Variants in EARS2 observed in about 807,000 individuals in gnomAD.
EARS2 encodes the protein nondiscriminating glutamyl-tRNA synthetase EARS2, mitochondrial.
A neutral mutation model predicts 54.1 loss-of-function variants in EARS2; 50 were observed. The observed-to-expected ratio is 0.92, with a 90% CI of 0.74 to 1.17. The LOEUF is 1.17. Ranked by LOEUF, EARS2 falls within the 50% of genes most tolerant of loss-of-function variation. The probability of loss-of-function intolerance (pLI) is 0.00; values close to 1 mark genes in which losing one functional copy is unlikely to be tolerated. For synonymous variants in EARS2, 298 were observed against 281.0 expected (o/e 1.06, Z -0.61); for missense variants, 673 against 675.0 (o/e 1.00, Z 0.03).
intron 5 of EARS2, 148 bp downstream of exon 5, chr16:23,532,509 A>G: frequency 1.8e-6 from 1 of 559,520 alleles, no homozygotes. Flanking sequence ...CATTTTAGAG[A>G]AGAGAAAACA....
intron 3 of EARS2, among the ~76,000 whole-genome samples, chr16:23,539,970 A>T (rs1250734110): frequency 6.6e-6 from 1 of 152,082 alleles, no homozygotes; most frequent in Non-Finnish European, 1.5e-5. Flanking sequence ...GGCAACACGG[A>T]GAAACCCCGT....
intron 1 of EARS2, 32 bp downstream of exon 1, chr16:23,557,173 T>C: frequency 6.6e-7 from 1 of 1,504,808 alleles, no homozygotes; most frequent in Non-Finnish European, 8.8e-7. Context: ...ACAGGGGGCC[T>C]CGGCCTGTAG....
At chr16:23,555,332 C>A (rs886728539) in intron 1 of EARS2, among the ~76,000 whole-genome samples, 1 of 152,080 alleles carries the variant, frequency 6.6e-6, no homozygotes, top group Non-Finnish European at 1.5e-5. Flanking sequence ...CAAGAAAATA[C>A]AAAAATTAGC....
In EARS2 at chr16:23,540,832, G is replaced by A. The variant is rs533197477; in HGVS notation, c.485+3682C>T. Among the ~76,000 whole-genome samples the A allele has an allele frequency of 2.4e-4, 36 of 151,904 alleles. 1 individual carries two copies. The highest frequency in any genetic ancestry group is 1.0e-3 in the South Asian group (5 of 4,814). ...ACCCCGTCTCTACTAAAATATAAAA[G>A]AAAATTAAATTAGCCAAGTGTGGTG... On this transcript the variant is annotated intron_variant, in intron 3 of 8. Transcript: ENST00000449606.
chr16:23,535,698 C>T (rs1354782069), intron 3 of EARS2, among the ~76,000 whole-genome samples: 1 of 152,132 alleles, frequency 6.6e-6, no homozygotes, highest in Non-Finnish European at 1.5e-5. Context: ...GGAATGTAAC[C>T]CCATCCTAGT....
rs1420516019 is a variant in EARS2 at position 23,522,859 on chromosome 16, A to G, written c.*1512T>C. On this transcript the variant is annotated 3_prime_UTR_variant, in exon 9 of 9. Transcript: ENST00000449606. ...ATCAGCTAGGATTGCGGTCATGTGA[A>G]TGCTTGGCTGGAATTGAAGGACCAG... The G allele has an allele frequency of 6.6e-6, 1 of 152,194 alleles. No homozygotes were observed. The highest frequency in any genetic ancestry group is 2.4e-5 in the African/African-American group (1 of 41,458). 9.4% of individuals were successfully genotyped at this position (152,194 alleles called of 1,614,324 possible).
At chr16:23,538,290 G>A (rs541039390) in intron 3 of EARS2, among the ~76,000 whole-genome samples, 1 of 152,060 alleles carries the variant, frequency 6.6e-6, no homozygotes, top group African/African-American at 2.4e-5. Context: ...TGGGATTACA[G>A]GTGCACGCCA....
intron 4 of EARS2, among the ~76,000 whole-genome samples, chr16:23,533,476 A>C (rs1965360144): frequency 6.6e-6 from 1 of 152,138 alleles, no homozygotes; most frequent in Non-Finnish European, 1.5e-5. Context: ...AGGCTGAGTG[A>C]GCAAGCCCTG....
Position 23,521,424 on chromosome 16 carries a change from G to C in EARS2, c.*2947C>G, listed in dbSNP as rs1263520911. On this transcript the variant is annotated 3_prime_UTR_variant, in exon 9 of 9. Coordinates refer to ENST00000449606, the MANE Select transcript of EARS2 (RefSeq NM_001083614.2). ...ATTCATTTTTTTTTTTTTAGACACA[G>C]GATCTTGCTCTGTTGCCCAGGTTAG... Among the ~76,000 whole-genome samples the C allele has an allele frequency of 6.6e-6, 1 of 151,046 alleles. No homozygotes were observed. Among genetic ancestry groups the C allele is most frequent in the South Asian group, 2.1e-4 (1 of 4,794 alleles).
At chr16:23,555,239 A>C (rs1965756746) in intron 1 of EARS2, among the ~76,000 whole-genome samples, 1 of 152,182 alleles carries the variant, frequency 6.6e-6, no homozygotes, top group Non-Finnish European at 1.5e-5. Context: ...TAATCCCAGC[A>C]CTTTCGGAGG....
chr16:23,537,881 T>A (rs760681980), intron 3 of EARS2, among the ~76,000 whole-genome samples: 4 of 150,160 alleles, frequency 2.7e-5, no homozygotes, highest in Admixed American at 6.7e-5. Context: ...AGCCTAGACA[T>A]TCCCAAGGGT....
rs781117573 is a variant in EARS2 at position 23,529,545 on chromosome 16, C to T, written c.1309G>A (p.Ala437Thr). The change falls in exon 7 of 9, where the codon GCC (alanine) becomes ACC (threonine). Residue 437 changes from alanine (A) to threonine (T), a missense_variant. Around this residue, in one of 3 missense-constraint regions of EARS2, gnomAD observed 338 missense variants for 361.2 expected, o/e 0.94. Coordinates refer to ENST00000449606, the MANE Select transcript of EARS2 (RefSeq NM_001083614.2). ...RPAVGRAQLD[A>T]ISEKVDVIAK... The stretch of plus-strand genomic sequence containing the variant: ...ATCACATCCACCTTCTCCGAGATGG[C>T]GTCCAGCTGTGCTCGACCTACTGCA... 5.6e-6 allele frequency: 9 copies of T among 1,614,146 alleles called. No individual in the cohort carries two copies. In the Middle Eastern group the frequency reaches 4.9e-4, roughly 89 times the overall value.
chr16:23,532,506 G>C, intron 5 of EARS2, 151 bp downstream of exon 5: 2 of 557,550 alleles, frequency 3.6e-6, no homozygotes, highest in Non-Finnish European at 6.5e-6. Context: ...TCCCATTTTA[G>C]AGAAGAGAAA....
chr16:23,544,658 G>T lies in EARS2; in HGVS notation c.341C>A (p.Pro114His). Residue 114 changes from proline (P) to histidine (H), a missense_variant, in exon 3 of 9, where the codon CCC becomes CAC. Coordinates refer to ENST00000449606, the MANE Select transcript of EARS2 (RefSeq NM_001083614.2). ...CTCCAACCGCTGAGATTGCTGGTAG[G>T]GCCCAGCAGGACCGCCCCGGCGGGG... ...ESPRRGGPAG[P>H]YQQSQRLELY... 6.2e-7 allele frequency: 1 copy of T among 1,610,552 alleles called. No individual in the cohort carries two copies. The highest frequency in any genetic ancestry group is 1.3e-5 in the African/African-American group (1 of 75,020).
At chr16:23,534,831 G>C in intron 4 of EARS2, 57 bp downstream of exon 4, 3 of 1,449,106 alleles carry the variant, frequency 2.1e-6, no homozygotes, top group Non-Finnish European at 2.8e-6. Context: ...CTGAGCCAAA[G>C]CCCTGCTCCT....
intron 5 of EARS2, among the ~76,000 whole-genome samples, chr16:23,531,479 T>G (rs1161734248): frequency 6.6e-6 from 1 of 152,058 alleles, no homozygotes; most frequent in African/African-American, 2.4e-5. Context: ...GCCAGGATGG[T>G]CTCGATCTCC....
rs761350541 is a variant in EARS2, at chr16:23,529,884, G to A, written c.1081C>T (p.Arg361Trp). 76 of 1,613,932 alleles carry A rather than the reference G, an allele frequency of 4.7e-5. No homozygotes were observed. Among genetic ancestry groups the A allele is most frequent in the South Asian group, 7.7e-5 (7 of 91,078 alleles). Residue 361 changes from arginine (R) to tryptophan (W), a missense_variant, in exon 6 of 9, where the codon CGG becomes TGG. Physicochemically the swap from Arg to Trp is moderately radical, Grantham distance 101 (BLOSUM62 -3). Transcript: ENST00000449606. Reference protein sequence around the residue: ...LPEFNRLHLQRLVSNESQRRQ... With the variant: ...LPEFNRLHLQWLVSNESQRRQ... The stretch of plus-strand genomic sequence containing the variant: ...CTCTGGCTCTCATTGCTCACCAGCC[G>A]CTGGAGGTGCAGTCTGCGGAAGAAA...
chr16:23,553,789 G>A (rs889561908), intron 1 of EARS2, among the ~76,000 whole-genome samples: 2 of 151,916 alleles, frequency 1.3e-5, no homozygotes, highest in Non-Finnish European at 2.9e-5. Context: ...CCAGCTACTT[G>A]GGAGGTTGAG....
intron 3 of EARS2, among the ~76,000 whole-genome samples, chr16:23,543,687 T>G (rs1341150529): frequency 6.8e-6 from 1 of 146,574 alleles, no homozygotes; most frequent in Non-Finnish European, 1.5e-5. Context: ...GAGCCAAGAT[T>G]GCACCACTGC....
Sources: allele counts gnomAD v4.1 joint callset (sites outside exome capture counted in the v4.1 genomes callset), GRCh38; gene constraint gnomAD v4.1.1; regional missense constraint gnomAD v4.1.1; transcripts MANE v1.5; gene names NCBI Gene and HGNC (gene_info 2026-07-23, HGNC 2026-07-21).